The following RBMS1 variants were observed in gnomAD, a reference collection of about 807,000 sequenced individuals.
The protein encoded by RBMS1 is RNA-binding motif, single-stranded-interacting protein 1.
RBMS1 carries 17 observed loss-of-function variants against 62.3 expected under a neutral mutation model. The observed-to-expected ratio is 0.27, with a 90% CI of 0.19 to 0.41. The LOEUF (loss-of-function observed/expected upper bound fraction) is 0.41. Ranked by LOEUF, RBMS1 falls within the 10% of genes least tolerant of loss-of-function variation. The pLI is 1.00. For missense variants in RBMS1, 334 were observed against 504.5 expected (o/e 0.66, Z 3.24); for synonymous variants, 172 against 170.0 (o/e 1.01, Z -0.09).
At chr2:160,417,124 A>G (rs1481776017) in intron 1 of RBMS1, among the ~76,000 whole-genome samples, 2 of 152,160 alleles carry the variant, frequency 1.3e-5, no homozygotes, top group East Asian at 1.9e-4. Flanking sequence ...ATGAGGTAAA[A>G]GTTTTCTTGC....
At chr2:160,428,944 A>G (rs891657222) in intron 1 of RBMS1, among the ~76,000 whole-genome samples, 36 of 152,200 alleles carry the variant, frequency 2.4e-4, no homozygotes, top group African/African-American at 7.7e-4. Flanking sequence ...CAAGACAAGC[A>G]TAACACTTTG....
At chr2:160,295,605 C>G (rs1688894414) in intron 6 of RBMS1, among the ~76,000 whole-genome samples, 1 of 152,166 alleles carries the variant, frequency 6.6e-6, no homozygotes, top group Non-Finnish European at 1.5e-5. Context: ...TGAAGAGGAT[C>G]CTACGATCAT....
chr2:160,304,983 T>G (rs1689422905), intron 4 of RBMS1, among the ~76,000 whole-genome samples: 1 of 152,108 alleles, frequency 6.6e-6, no homozygotes, highest in African/African-American at 2.4e-5. Context: ...GCCTCCTGAG[T>G]AGCTGGGACT....
At chr2:160,424,054 T>C (rs1320454988) in intron 1 of RBMS1, among the ~76,000 whole-genome samples, 1 of 151,230 alleles carries the variant, frequency 6.6e-6, no homozygotes, top group Non-Finnish European at 1.5e-5. Context: ...AGTCTCACTC[T>C]GTCGCCCAGG....
intron 1 of RBMS1, among the ~76,000 whole-genome samples, chr2:160,407,194 C>G (rs1009357509): frequency 1.3e-5 from 2 of 152,198 alleles, no homozygotes; most frequent in Non-Finnish European, 2.9e-5. Context: ...CTGGGTGAAG[C>G]CCCCGGCCCG....
intron 1 of RBMS1, among the ~76,000 whole-genome samples, chr2:160,430,008 T>C (rs975554468): frequency 6.6e-6 from 1 of 152,162 alleles, no homozygotes; most frequent in Non-Finnish European, 1.5e-5. Context: ...AGAATCCACA[T>C]GGAAAGAGAG....
At chr2:160,427,571 A>G (rs1682690980) in intron 1 of RBMS1, among the ~76,000 whole-genome samples, 2 of 152,226 alleles carry the variant, frequency 1.3e-5, no homozygotes, top group African/African-American at 2.4e-5. Flanking sequence ...TATAGATCCA[A>G]TTCCACAAGG....
At chr2:160,328,184 GCACTGTTATAAATGAC>G (rs1691057418) in intron 2 of RBMS1, among the ~76,000 whole-genome samples, 1 of 152,094 alleles carries the variant, frequency 6.6e-6, no homozygotes, top group African/African-American at 2.4e-5. Context: ...CTCCCTCACA[GCACTGTTATAAATGAC>G]CACTATGGTG....
At chr2:160,395,981 G>C (rs1695118650) in intron 1 of RBMS1, among the ~76,000 whole-genome samples, 1 of 152,168 alleles carries the variant, frequency 6.6e-6, no homozygotes, top group African/African-American at 2.4e-5. Context: ...CAGAGTACCT[G>C]TGCCAGGTAA....
intron 1 of RBMS1, among the ~76,000 whole-genome samples, chr2:160,439,553 C>G (rs1248481082): frequency 6.6e-6 from 1 of 151,324 alleles, no homozygotes; most frequent in South Asian, 2.1e-4. Flanking sequence ...CGGGCAGAGA[C>G]GCTCCTCACT....
chr2:160,397,685 C>G (rs59520573), intron 1 of RBMS1, among the ~76,000 whole-genome samples: 5 of 151,844 alleles, frequency 3.3e-5, no homozygotes, highest in Non-Finnish European at 5.9e-5. Flanking sequence ...CCTCCTTTCC[C>G]GCCCCACTAC....
At chr2:160,488,009 T>C (rs1416249986) in intron 1 of RBMS1, among the ~76,000 whole-genome samples, 4 of 152,194 alleles carry the variant, frequency 2.6e-5, no homozygotes, top group African/African-American at 9.7e-5. Flanking sequence ...AGATATATGT[T>C]CAGTTTGTGG....
chr2:160,491,725 A>G (rs1685838677), intron 1 of RBMS1, among the ~76,000 whole-genome samples: 1 of 152,238 alleles, frequency 6.6e-6, no homozygotes, highest in South Asian at 2.1e-4. Flanking sequence ...AAACAAGTGC[A>G]TTAAATATAT....
intron 4 of RBMS1, among the ~76,000 whole-genome samples, chr2:160,304,544 A>G (rs1249340107): frequency 6.6e-6 from 1 of 152,182 alleles, no homozygotes; most frequent in Non-Finnish European, 1.5e-5. Context: ...GGCATATACG[A>G]TGGTGGTCCT....
chr2:160,304,026 A>G (rs1159093772), intron 4 of RBMS1, among the ~76,000 whole-genome samples: 1 of 152,178 alleles, frequency 6.6e-6, no homozygotes, highest in Non-Finnish European at 1.5e-5. Flanking sequence ...ATTTAACGAA[A>G]ACAAGAAATA....
intron 2 of RBMS1, among the ~76,000 whole-genome samples, chr2:160,323,152 C>G (rs1690675228): frequency 6.6e-6 from 1 of 150,760 alleles, no homozygotes; most frequent in South Asian, 2.1e-4. Flanking sequence ...CCTCCCCTTG[C>G]TCCTATCTGT....
chr2:160,413,258 A>G (rs1696097736), intron 1 of RBMS1, among the ~76,000 whole-genome samples: 1 of 152,192 alleles, frequency 6.6e-6, no homozygotes, highest in Non-Finnish European at 1.5e-5. Flanking sequence ...TAGTATATGC[A>G]GTTCACACCA....
intron 1 of RBMS1, among the ~76,000 whole-genome samples, chr2:160,396,547 T>C (rs575765622): frequency 3.2e-4 from 42 of 131,370 alleles, no homozygotes; most frequent in Admixed American, 2.2e-3. Flanking sequence ...CTTTTCTTTT[T>C]ATCTTTTTTT....
At chr2:160,296,551 T>C (rs1355242658) in intron 6 of RBMS1, among the ~76,000 whole-genome samples, 1 of 152,238 alleles carries the variant, frequency 6.6e-6, no homozygotes, top group Non-Finnish European at 1.5e-5. Context: ...ACACTAGTTA[T>C]ACGTGCACAG....
Sources: allele counts gnomAD v4.1 joint callset (sites outside exome capture counted in the v4.1 genomes callset), GRCh38; gene constraint gnomAD v4.1.1; transcripts MANE v1.5; gene names NCBI Gene and HGNC (gene_info 2026-07-23, HGNC 2026-07-21).